Variants in ACAP1 observed in about 807,000 individuals in gnomAD.
ACAP1 encodes the protein ArfGAP with coiled-coil, ankyrin repeat and PH domains 1.
In ACAP1, 45 loss-of-function variants were observed where a neutral mutation model predicts 98.8. That is an observed-to-expected ratio of 0.46 (90% CI 0.36 to 0.58). ACAP1 has a LOEUF of 0.58. ACAP1 is among the 20% of genes least tolerant of loss of function. The pLI is 0.00. For synonymous variants in ACAP1, 362 were observed against 375.3 expected, an observed-to-expected ratio of 0.96 and a Z score of 0.41; for missense variants, 735 against 971.4, an observed-to-expected ratio of 0.76 and a Z score of 3.24.
chr17:7,350,337 C>A lies in ACAP1; in HGVS notation c.2072+100C>A. 1 of 1,012,482 alleles carries A rather than the reference C, an allele frequency of 9.9e-7. No homozygotes were observed. Among genetic ancestry groups the A allele is most frequent in the South Asian group, 1.5e-5 (1 of 64,658 alleles). 62.7% of individuals were successfully genotyped at this position (1,012,482 alleles called of 1,614,324 possible). On this transcript the variant is annotated intron_variant, in intron 20 of 21. Transcript: ENST00000158762. This position sits in a 1 kb window ranked among gnomAD's most constrained non-coding sequence, Gnocchi z 4.6. ...GCGGGGCTGACGCCGAAACAGAAGCCTGTGCTGTGGGGCCTCGGAAAGGGG... is the reference window on the plus strand; with the variant it reads ...GCGGGGCTGACGCCGAAACAGAAGCATGTGCTGTGGGGCCTCGGAAAGGGG...
rs752779542 is a variant in ACAP1, at chr17:7,344,008, T to TG, written c.670-35dup. The TG allele has an allele frequency of 1.9e-5, 30 of 1,575,908 alleles. No homozygotes were observed. The highest frequency in any genetic ancestry group is 2.5e-5 in the Non-Finnish European group (29 of 1,160,180). ...TAGAGGGAGGTTAGGGACTCCTAAC[T>TG]GGGGGGCCTTGGACATCTGAGATGC... On this transcript the variant is annotated intron_variant, in intron 8 of 21. Transcript: ENST00000158762. The surrounding 1 kb of genome is among the most constrained non-coding windows in gnomAD (Gnocchi z 4.9).
At position 7,350,914 on chromosome 17, in the gene ACAP1, ATAGTGTCG is replaced by A. The variant is rs747749836; in HGVS notation, c.2073-34_2073-27del. The A allele has an allele frequency of 1.2e-6, 2 of 1,612,518 alleles. No homozygotes were observed. Among genetic ancestry groups the A allele is most frequent in the Non-Finnish European group, 1.7e-6 (2 of 1,178,710 alleles). ...CGTGAGCCACCGCGCCCGGCCAAAGATAGTGTCGTTCATTTCTTAATTCCCTCCTCTTC... is the reference window on the plus strand; with the variant it reads ...CGTGAGCCACCGCGCCCGGCCAAAGATTCATTTCTTAATTCCCTCCTCTTC... On this transcript the variant is annotated intron_variant, in intron 20 of 21. Coordinates refer to ENST00000158762, the MANE Select transcript of ACAP1 (RefSeq NM_014716.4). The surrounding 1 kb of genome is among the most constrained non-coding windows in gnomAD (Gnocchi z 4.6).
rs539663151 is a variant in ACAP1, at chr17:7,349,009, G to A, written c.1693G>A (p.Asp565Asn). 32 of 1,613,178 alleles carry A rather than the reference G, an allele frequency of 2.0e-5. No individual in the cohort carries two copies. In the South Asian group the frequency reaches 3.4e-4, roughly 17 times the overall value. The stretch of plus-strand genomic sequence containing the variant: ...CCCCCGAACAGAGCCCCCCTCTGAG[G>A]ACCTGGGAAGCCTGCACCCTGGGGC... ...LRSKPEPPSE[D>N]LGSLHPGALL... is the part of the protein sequence containing the mutation. The change falls in exon 18 of 22, where the codon GAC becomes AAC. Residue 565 changes from aspartate to asparagine, a missense_variant. Asp to Asn is a conservative substitution (Grantham distance 23). Coordinates refer to ENST00000158762, the MANE Select transcript of ACAP1 (RefSeq NM_014716.4).
Position 7,349,992 on chromosome 17 carries a change from G to C in ACAP1, c.1899G>C (p.Val633=), listed in dbSNP as rs774158250. ...CEFLLQNGAN[V]NQADSAGRGP... is the part of the protein sequence containing the mutation. ...TTCTCCTCCAGAACGGGGCGAACGT[G>C]AACCAAGCGGACAGTGCGGGCCGGG... Residue 633 remains valine (V), a synonymous_variant, in exon 19 of 22, where the codon GTG becomes GTC. Coordinates refer to ENST00000158762, the MANE Select transcript of ACAP1 (RefSeq NM_014716.4). The C allele has an allele frequency of 4.3e-6, 7 of 1,613,386 alleles. No homozygotes were observed. The East Asian group carries it at 1.6e-4, about 36-fold the overall frequency.
chr17:7,338,922 TC>T (rs1260316028), intron 2 of ACAP1, among the ~76,000 whole-genome samples: 2 of 151,628 alleles, frequency 1.3e-5, no homozygotes, highest in Non-Finnish European at 2.9e-5. Context: ...TCACCCAGCT[TC>T]CCCCAGTGGT....
rs1296032474 is a variant in ACAP1 at position 7,344,071 on chromosome 17, C to T, written c.692C>T (p.Ser231Leu). 4 of 1,593,250 alleles carry T rather than the reference C, an allele frequency of 2.5e-6. No homozygotes were observed. Among genetic ancestry groups the T allele is most frequent in the Non-Finnish European group, 3.4e-6 (4 of 1,169,366 alleles). ...CAGTTGCACCAGCTGGTCTTGAATT[C>T]AGCACGAGAGAAGAGGGACATGGAG... ...GAQLHQLVLN[S>L]AREKRDMEQR... The change falls in exon 9 of 22, where the codon TCA becomes TTA. Residue 231 changes from serine (S) to leucine (L), a missense_variant. Physicochemically the swap from Ser to Leu is moderately radical, Grantham distance 145 (BLOSUM62 -2). Coordinates refer to ENST00000158762, the MANE Select transcript of ACAP1 (RefSeq NM_014716.4). The surrounding 1 kb of genome is among the most constrained non-coding windows in gnomAD (Gnocchi z 4.9).
Position 7,350,751 on chromosome 17 carries a change from C to T in ACAP1, c.2073-199C>T. The T allele has an allele frequency of 1.9e-6, 1 of 539,626 alleles. No individual in the cohort carries two copies. Among genetic ancestry groups the T allele is most frequent in the East Asian group, 3.4e-5 (1 of 29,484 alleles). 33.4% of individuals were successfully genotyped at this position (539,626 alleles called of 1,614,324 possible). Reference sequence around the variant, plus strand: ...AGCCTCCCCTGAGTAGCTGGGACTACAGGCGTGCGCCACCACCCCCGGCTA... The same window carrying T: ...AGCCTCCCCTGAGTAGCTGGGACTATAGGCGTGCGCCACCACCCCCGGCTA... On this transcript the variant is annotated intron_variant, in intron 20 of 21. Coordinates refer to ENST00000158762, the MANE Select transcript of ACAP1 (RefSeq NM_014716.4). This position sits in a 1 kb window ranked among gnomAD's most constrained non-coding sequence, Gnocchi z 4.6.
Position 7,350,418 on chromosome 17 carries a change from C to G in ACAP1, c.2072+181C>G. 7.3e-6 allele frequency: 3 copies of G among 412,646 alleles called. No individual in the cohort carries two copies. Among genetic ancestry groups the G allele is most frequent in the East Asian group, 5.3e-5 (1 of 19,026 alleles). The allele number at this position is 412,646 out of a possible 1,614,324, so 25.6% of individuals were successfully genotyped here. A position where few individuals can be genotyped will look rare whatever the true frequency, so the allele number is the denominator to read the frequency against. On this transcript the variant is annotated intron_variant, in intron 20 of 21. Transcript: ENST00000158762. This position sits in a 1 kb window ranked among gnomAD's most constrained non-coding sequence, Gnocchi z 4.6. Reference sequence around the variant, plus strand: ...AGGCTGCGCGAAGTGTGCACTGGGACGTGGAGTAGAAGGCAGGCGGGAGGG... The same window carrying G: ...AGGCTGCGCGAAGTGTGCACTGGGAGGTGGAGTAGAAGGCAGGCGGGAGGG...
intron 2 of ACAP1, 47 bp downstream of exon 2, chr17:7,337,416 G>A (rs568671277): frequency 2.6e-6 from 4 of 1,543,520 alleles, no homozygotes; most frequent in Non-Finnish European, 3.6e-6. Context: ...TAGGTTGAGA[G>A]GGGTAGGGCC....
At position 7,339,812 on chromosome 17, in the gene ACAP1, G is replaced by A. The variant is rs1261268477; in HGVS notation, c.112-2136G>A. On this transcript the variant is annotated intron_variant, in intron 2 of 21. Coordinates refer to ENST00000158762, the MANE Select transcript of ACAP1 (RefSeq NM_014716.4). The stretch of plus-strand genomic sequence containing the variant: ...AATGGACACAAGGAATTCCTTTACA[G>A]TGGTACCCGACACCCTTCCCACACT... 5.3e-5 allele frequency among the ~76,000 whole-genome samples: 8 copies of A among 152,112 alleles called. 1 individual carries two copies. The East Asian group carries it at 1.5e-3, about 29-fold the overall frequency.
At position 7,344,015 on chromosome 17, in the gene ACAP1, C is replaced by T. The variant is rs779178544; in HGVS notation, c.670-34C>T. 8.2e-6 allele frequency: 13 copies of T among 1,578,016 alleles called. No homozygotes were observed. In the African/African-American group the frequency reaches 1.4e-4, roughly 16 times the overall value. ...AGGTTAGGGACTCCTAACTGGGGGG[C>T]CTTGGACATCTGAGATGCCCTTCCT... On this transcript the variant is annotated intron_variant, in intron 8 of 21. Transcript: ENST00000158762. The surrounding 1 kb of genome is among the most constrained non-coding windows in gnomAD (Gnocchi z 4.9).
chr17:7,348,535 A>G lies in ACAP1; in HGVS notation c.1678+60A>G, dbSNP rs1403191829. ...CTGTGTGCTCGGCATCGTGCCAGGT[A>G]GCGCCGGGAGGCACAGAGTGTGAAG... is the stretch of plus-strand genomic sequence containing the variant. On this transcript the variant is annotated intron_variant, in intron 17 of 21. Transcript: ENST00000158762. 1.7e-5 allele frequency: 24 copies of G among 1,432,704 alleles called. No individual in the cohort carries two copies. The East Asian group carries it at 4.6e-4, about 27-fold the overall frequency. The allele number at this position is 1,432,704 out of a possible 1,614,324, so 88.7% of individuals were successfully genotyped here.
chr17:7,349,678 A>G, intron 18 of ACAP1: 4 of 423,908 alleles, frequency 9.4e-6, no homozygotes, highest in Non-Finnish European at 1.3e-5. Flanking sequence ...CCCGGCCTAC[A>G]GGAGACTTTT....
intron 14 of ACAP1, 97 bp downstream of exon 14, chr17:7,347,339 C>A: frequency 8.4e-7 from 1 of 1,194,784 alleles, no homozygotes; most frequent in Non-Finnish European, 1.2e-6. Flanking sequence ...CCTTCCCTGT[C>A]CTGGCTTCCT....
At position 7,337,300 on chromosome 17, in the gene ACAP1, CCT is replaced by C. The variant is rs771543961; in HGVS notation, c.54-9_54-8del. 6.8e-6 allele frequency: 11 copies of C among 1,613,894 alleles called. No homozygotes were observed. The highest frequency in any genetic ancestry group is 1.7e-5 in the Admixed American group (1 of 60,008). ...GACCCAAGCTCTCTTCCCATGACCC[CCT>C]CTTTCCCAGAGCCTCTATTGAGCTG... On this transcript the variant is annotated splice_polypyrimidine_tract_variant and intron_variant, in intron 1 of 21. Coordinates refer to ENST00000158762, the MANE Select transcript of ACAP1 (RefSeq NM_014716.4).
intron 21 of ACAP1, 74 bp downstream of exon 21, chr17:7,351,073 T>C (rs1268568410): frequency 9.9e-6 from 14 of 1,418,462 alleles, no homozygotes; most frequent in African/African-American, 1.4e-5. Context: ...GTGACCTCTC[T>C]CCCTAGTGCC....
intron 2 of ACAP1, among the ~76,000 whole-genome samples, chr17:7,339,785 C>G (rs1304904369): frequency 1.3e-5 from 2 of 152,150 alleles, no homozygotes; most frequent in Admixed American, 1.3e-4. Context: ...TCACCACACA[C>G]CAATGGACAC....
intron 2 of ACAP1, among the ~76,000 whole-genome samples, chr17:7,339,799 G>A (rs2073258155): frequency 6.6e-6 from 1 of 152,094 alleles, no homozygotes; most frequent in African/African-American, 2.4e-5. Flanking sequence ...TGGACACAAG[G>A]AATTCCTTTA....
chr17:7,342,356 G>A lies in ACAP1; in HGVS notation c.285+28G>A, dbSNP rs370677984. On this transcript the variant is annotated intron_variant, in intron 4 of 21. Transcript: ENST00000158762. ...AAGTAGGGGAAGGTAAGGATTGTCG[G>A]GGTGGTGGCCAGGTCACCTGTGGTC... 1.9e-5 allele frequency: 30 copies of A among 1,614,010 alleles called. No individual in the cohort carries two copies. The African/African-American group carries it at 2.8e-4, about 15-fold the overall frequency.
Sources: allele counts gnomAD v4.1 joint callset (sites outside exome capture counted in the v4.1 genomes callset), GRCh38; gene constraint gnomAD v4.1.1; non-coding constraint Gnocchi (gnomAD v3.1); transcripts MANE v1.5; gene names NCBI Gene and HGNC (gene_info 2026-07-23, HGNC 2026-07-21).